ARHGAP29: variants seen among roughly 807,000 people sequenced by gnomAD.
The protein encoded by ARHGAP29 is Rho GTPase activating protein 29.
Under a neutral mutation model 122.6 loss-of-function variants are expected in ARHGAP29, and 43 were observed. The ratio of observed to expected loss-of-function variants is 0.35; its 90% CI spans 0.27 to 0.45. ARHGAP29 has a LOEUF of 0.45. Ranked by LOEUF, ARHGAP29 falls within the 20% of genes least tolerant of loss-of-function variation. The pLI, the probability that ARHGAP29 is intolerant of heterozygous loss-of-function variation, is 1.00. For synonymous variants in ARHGAP29, 506 were observed against 497.1 expected (o/e 1.02, Z -0.24); for missense variants, 1,303 against 1,477.2 (o/e 0.88, Z 1.93).
the ARHGAP29 span, among the ~76,000 whole-genome samples, chr1:94,298,518 C>T: frequency 6.6e-6 from 1 of 152,160 alleles, no homozygotes; most frequent in Non-Finnish European, 1.5e-5. Context: ...AGTGGTCTCT[C>T]AATTTCTCTC....
chr1:94,203,752 G>A (rs894944187), intron 8 of ARHGAP29, among the ~76,000 whole-genome samples, 178 bp downstream of exon 8: 11 of 152,072 alleles, frequency 7.2e-5, no homozygotes, highest in Non-Finnish European at 1.0e-4. Context: ...AAAAAAAAGC[G>A]TATTTCCTAG....
chr1:94,292,524 G>A, the ARHGAP29 span, among the ~76,000 whole-genome samples: 15 of 152,320 alleles, frequency 9.8e-5, no homozygotes, highest in Admixed American at 9.8e-4. Flanking sequence ...TCCTTTGGAG[G>A]AGAAGAGGCA....
At position 94,189,254 on chromosome 1, in the gene ARHGAP29, A is replaced by G. The variant is rs61758880; in HGVS notation, c.1538T>C (p.Ile513Thr). The G allele has an allele frequency of 1.5e-3, 2,438 of 1,613,042 alleles. 5 individuals are homozygous for G. Among genetic ancestry groups the G allele is most frequent in the Non-Finnish European group, 1.9e-3 (2,225 of 1,179,468 alleles). The change falls in exon 14 of 23, where the codon ATT (isoleucine) becomes ACT (threonine). Residue 513 changes from isoleucine (I) to threonine (T), a missense_variant. Ile to Thr is a moderately conservative substitution (Grantham distance 89). Around this residue, in one of 3 missense-constraint regions of ARHGAP29, gnomAD observed 592 missense variants for 648.2 expected, o/e 0.91. Coordinates refer to ENST00000260526, the MANE Select transcript of ARHGAP29 (RefSeq NM_004815.4). ...ACTGTTAGAGCATCTGTCCTCTTCA[A>G]TTTTATTAGAACTGTCAGGAAGGCG... ...VVRLPDSSNK[I>T]EEDRCSNSAD...
At chr1:94,219,588 T>C (rs1652162495) in intron 3 of ARHGAP29, among the ~76,000 whole-genome samples, 1 of 152,162 alleles carries the variant, frequency 6.6e-6, no homozygotes, top group African/African-American at 2.4e-5. Context: ...ATCTAGCCCA[T>C]TATTCCTAAC....
At chr1:94,259,831 C>T (rs1654490887) in intron 1 of ARHGAP29, among the ~76,000 whole-genome samples, 1 of 152,182 alleles carries the variant, frequency 6.6e-6, no homozygotes, top group Non-Finnish European at 1.5e-5. Context: ...AATTTAAATA[C>T]TAAAATGCCC....
the ARHGAP29 span, among the ~76,000 whole-genome samples, chr1:94,303,650 A>C: frequency 2.0e-5 from 3 of 152,254 alleles, no homozygotes; most frequent in Non-Finnish European, 4.4e-5. Flanking sequence ...TATTTAGTGC[A>C]GTGTGAGTGA....
At chr1:94,225,601 A>T (rs562220016) in intron 2 of ARHGAP29, among the ~76,000 whole-genome samples, 17 of 152,116 alleles carry the variant, frequency 1.1e-4, no homozygotes, top group Non-Finnish European at 2.5e-4. Context: ...TTTGCTGTGT[A>T]GAATCTAAAT....
rs142196186 is a variant in ARHGAP29, at chr1:94,205,169, C to G, written c.589G>C (p.Val197Leu). ...GNFSPLELDNVLLKNTDSIEL... is the reference protein window; with the variant it reads ...GNFSPLELDNLLLKNTDSIEL... ...ATAGAGTCAGTGTTCTTTAACAGCA[C>G]GTTGTCTAGTTCTAAAGGGGAAAAA... is the stretch of plus-strand genomic sequence containing the variant. Residue 197 changes from valine (V) to leucine (L), a missense_variant, in exon 7 of 23, where the codon GTG becomes CTG. Val to Leu is a conservative substitution (Grantham distance 32). This residue lies in a region of ARHGAP29 where 592 missense variants were observed against 648.2 expected (regional missense o/e 0.91). Coordinates refer to ENST00000260526, the MANE Select transcript of ARHGAP29 (RefSeq NM_004815.4). 1 of 1,597,378 alleles carries G rather than the reference C, an allele frequency of 6.3e-7. No homozygotes were observed. The highest frequency in any genetic ancestry group is 1.1e-5 in the South Asian group (1 of 87,620).
At chr1:94,262,431 T>A (rs1654596188) in intron 1 of ARHGAP29, among the ~76,000 whole-genome samples, 1 of 152,034 alleles carries the variant, frequency 6.6e-6, no homozygotes, top group Admixed American at 6.6e-5. Context: ...AGAGCTTCTA[T>A]ACAGCAAAAT....
chr1:94,251,438 C>T (rs968538758), intron 1 of ARHGAP29, among the ~76,000 whole-genome samples: 2 of 152,038 alleles, frequency 1.3e-5, no homozygotes, highest in African/African-American at 4.8e-5. Context: ...CGTGCCTGGC[C>T]TATCATACCC....
chr1:94,201,054 A>C (rs113186426), intron 12 of ARHGAP29, among the ~76,000 whole-genome samples: 28 of 152,252 alleles, frequency 1.8e-4, no homozygotes, highest in African/African-American at 6.8e-4. Flanking sequence ...CATTTTAAAG[A>C]GTAAATAAAA....
At chr1:94,193,544 C>G (rs1311732014) in intron 12 of ARHGAP29, 1 of 152,000 alleles carries the variant, frequency 6.6e-6, no homozygotes, top group Non-Finnish European at 1.5e-5. Flanking sequence ...ACAAAAACAG[C>G]CAAAGAAAAA....
Position 94,178,184 on chromosome 1 carries a change from A to C in ARHGAP29, c.2481-17T>G. 1.9e-6 allele frequency: 3 copies of C among 1,591,978 alleles called. No homozygotes were observed. Among genetic ancestry groups the C allele is most frequent in the Non-Finnish European group, 2.6e-6 (3 of 1,168,822 alleles). On this transcript the variant is annotated splice_polypyrimidine_tract_variant and intron_variant, in intron 20 of 22. Transcript: ENST00000260526. The stretch of plus-strand genomic sequence containing the variant: ...TCTACTACCCTGCAAAGTAGAACAC[A>C]TAAAGTTGTATGAGATTTTCCTATT...
chr1:94,235,055 A>T (rs1246881720), intron 1 of ARHGAP29, among the ~76,000 whole-genome samples: 1 of 152,142 alleles, frequency 6.6e-6, no homozygotes, highest in Non-Finnish European at 1.5e-5. Flanking sequence ...AGCAACAACA[A>T]CATCAAACAC....
the ARHGAP29 span, among the ~76,000 whole-genome samples, chr1:94,295,709 A>ATTCTAACTCCACACAATGTGGAATC: frequency 7.8e-3 from 83 of 10,632 alleles, no homozygotes; most frequent in Middle Eastern, 0.056. Flanking sequence ...CTAATGTGGA[A>ATTCTAACTCCACACAATGTGGAATC]TTCTAACTCC....
chr1:94,274,798 C>G (rs1434165003), intron 1 of ARHGAP29, among the ~76,000 whole-genome samples: 2 of 152,222 alleles, frequency 1.3e-5, no homozygotes, highest in African/African-American at 4.8e-5. Flanking sequence ...ACAGCAACAG[C>G]TGGAGCATGG....
chr1:94,266,108 T>C (rs551653654), intron 1 of ARHGAP29, among the ~76,000 whole-genome samples: 1 of 152,246 alleles, frequency 6.6e-6, no homozygotes, highest in East Asian at 1.9e-4. Flanking sequence ...GAAACCGAAA[T>C]CTACTTAGGG....
intron 17 of ARHGAP29, 21 bp from the exon 18 acceptor site, chr1:94,185,081 G>T (rs1229815770): frequency 6.3e-7 from 1 of 1,593,652 alleles, no homozygotes; most frequent in Non-Finnish European, 8.5e-7. Flanking sequence ...ATGATAGTTT[G>T]AAACTGGTTA....
At chr1:94,195,735 T>C (rs1650412482) in intron 12 of ARHGAP29, 1 of 151,986 alleles carries the variant, frequency 6.6e-6, no homozygotes, top group Admixed American at 6.5e-5. Context: ...AAAATCACAA[T>C]AGAAGTATAT....
Sources: allele counts gnomAD v4.1 joint callset (sites outside exome capture counted in the v4.1 genomes callset), GRCh38; gene constraint gnomAD v4.1.1; regional missense constraint gnomAD v4.1.1; transcripts MANE v1.5; gene names NCBI Gene and HGNC (gene_info 2026-07-23, HGNC 2026-07-21).